The following SCIMP variants were observed in gnomAD, a reference collection of about 807,000 sequenced individuals.
SCIMP encodes the protein SLP adaptor and CSK interacting membrane protein.
A neutral mutation model predicts 22.0 loss-of-function variants in SCIMP; 18 were observed. That is an observed-to-expected ratio of 0.82 (90% confidence interval 0.56 to 1.21). The LOEUF (loss-of-function observed/expected upper bound fraction) is 1.21. Ranked by LOEUF, SCIMP falls within the 50% of genes most tolerant of loss-of-function variation. The probability of loss-of-function intolerance (pLI) is 0.00; values close to 1 mark genes in which losing one functional copy is unlikely to be tolerated. For synonymous variants in SCIMP, 53 were observed against 62.2 expected (o/e 0.85, Z 0.70); for missense variants, 155 against 171.2 (o/e 0.91, Z 0.53).
intron 1 of SCIMP, among the ~76,000 whole-genome samples, chr17:5,226,953 G>C (rs1450754126): frequency 6.6e-6 from 1 of 152,092 alleles, no homozygotes; most frequent in Non-Finnish European, 1.5e-5. Flanking sequence ...CTTCCAGAGA[G>C]AGGAAGCCCT....
intron 3 of SCIMP, among the ~76,000 whole-genome samples, chr17:5,215,857 C>G (rs2144312224): frequency 6.6e-6 from 1 of 152,286 alleles, no homozygotes; most frequent in South Asian, 2.1e-4. Context: ...TGCCATCACA[C>G]AACTCAAATG....
At chr17:5,218,593 G>T (rs772720700) in intron 3 of SCIMP, among the ~76,000 whole-genome samples, 1 of 152,252 alleles carries the variant, frequency 6.6e-6, no homozygotes, top group Middle Eastern at 3.4e-3. Flanking sequence ...GCCTGCATCG[G>T]CCTCCCAAAG....
In SCIMP at chr17:5,214,746, A is replaced by G. The variant is rs561998705; in HGVS notation, c.283+179T>C. On this transcript the variant is annotated intron_variant, in intron 4 of 4. Coordinates refer to ENST00000574081, the MANE Select transcript of SCIMP (RefSeq NM_207103.3). ...TCCCAGCTACTCCGGAGGCTGAGGT[A>G]GGAGAATGGCATGAACCCGGGAGGC... 1.7e-3 allele frequency: 867 copies of G among 499,642 alleles called. 2 individuals are homozygous for G. The highest frequency in any genetic ancestry group is 2.2e-3 in the Non-Finnish European group (623 of 287,710). 31.0% of individuals were successfully genotyped at this position (499,642 alleles called of 1,614,324 possible).
At chr17:5,226,120 A>G (rs2074646827) in intron 1 of SCIMP, among the ~76,000 whole-genome samples, 1 of 152,194 alleles carries the variant, frequency 6.6e-6, no homozygotes, top group Non-Finnish European at 1.5e-5. Flanking sequence ...ATAGAAATAA[A>G]TACCACGACC....
rs2074556277 is a variant in SCIMP at position 5,215,057 on chromosome 17, C to T, written c.210-59G>A. The T allele has an allele frequency of 1.7e-5, 18 of 1,044,556 alleles. No homozygotes were observed. In the Middle Eastern group the frequency reaches 6.1e-4, roughly 35 times the overall value. 64.7% of individuals were successfully genotyped at this position (1,044,556 alleles called of 1,614,324 possible). On this transcript the variant is annotated intron_variant, in intron 3 of 4. Transcript: ENST00000574081. ...GGTTTGGGCCATGCCTGCTCCCAGC[C>T]GATTTAAGAGAAAACATCAAGGAAA...
chr17:5,210,334 G>A lies in SCIMP; in HGVS notation c.*467C>T, dbSNP rs138244390. 5.8e-3 allele frequency: 906 copies of A among 155,562 alleles called. 5 individuals are homozygous for A. The highest frequency in any genetic ancestry group is 8.6e-3 in the Non-Finnish European group (602 of 69,982). 9.6% of individuals were successfully genotyped at this position (155,562 alleles called of 1,614,324 possible). A position where few individuals can be genotyped will look rare whatever the true frequency, so the allele number is the denominator to read the frequency against. ...ACTCACCCACAGCCTCACAGTGCAGGAGGTGGGTGGGGTGAGAGGGTAAAG... is the reference window on the plus strand; with the variant it reads ...ACTCACCCACAGCCTCACAGTGCAGAAGGTGGGTGGGGTGAGAGGGTAAAG... On this transcript the variant is annotated 3_prime_UTR_variant, in exon 5 of 5. Coordinates refer to ENST00000574081, the MANE Select transcript of SCIMP (RefSeq NM_207103.3).
Position 5,234,836 on chromosome 17 carries a change from G to C in SCIMP, c.-81C>G. Reference sequence around the variant, plus strand: ...GGTGAGAGGCATTCCTCACTCACAGGCCTTCACCCACTGCTAGAGACAGTG... The same window carrying C: ...GGTGAGAGGCATTCCTCACTCACAGCCCTTCACCCACTGCTAGAGACAGTG... On this transcript the variant is annotated 5_prime_UTR_variant, in exon 1 of 5. Transcript: ENST00000574081. 6.4e-7 allele frequency: 1 copy of C among 1,563,204 alleles called. No homozygotes were observed. The highest frequency in any genetic ancestry group is 8.7e-7 in the Non-Finnish European group (1 of 1,153,702).
At chr17:5,232,348 A>ATATAAGCAGTGCAGTGTAAACAGTGCAG in intron 1 of SCIMP, among the ~76,000 whole-genome samples, 1 of 34,466 alleles carries the variant, frequency 2.9e-5, no homozygotes. Flanking sequence ...AAGGGGTGGA[A>ATATAAGCAGTGCAGTGTAAACAGTGCAG]TATAAACAGT....
intron 1 of SCIMP, among the ~76,000 whole-genome samples, chr17:5,232,208 T>C (rs1356296759): frequency 1.3e-5 from 2 of 152,256 alleles, no homozygotes; most frequent in Non-Finnish European, 2.9e-5. Context: ...TGTTATGTTC[T>C]GTGTGCAGTT....
intron 3 of SCIMP, among the ~76,000 whole-genome samples, chr17:5,216,016 C>A (rs568634888): frequency 6.6e-6 from 1 of 151,882 alleles, no homozygotes; most frequent in Non-Finnish European, 1.5e-5. Flanking sequence ...CCCTGGGCAA[C>A]ACAGGGAGAC....
intron 1 of SCIMP, among the ~76,000 whole-genome samples, chr17:5,229,834 C>T (rs1298485422): frequency 6.9e-6 from 1 of 145,752 alleles, no homozygotes; most frequent in African/African-American, 2.5e-5. Context: ...CCCTCCCCTT[C>T]CCCCATCTCC....
chr17:5,217,410 GTT>G (rs1357714559), intron 3 of SCIMP, among the ~76,000 whole-genome samples: 12 of 138,804 alleles, frequency 8.6e-5, no homozygotes, highest in Non-Finnish European at 1.6e-4. Context: ...GTGTGTGTGT[GTT>G]TGTTTTATTA....
intron 4 of SCIMP, chr17:5,214,667 C>T (rs1366924873): frequency 2.4e-6 from 1 of 413,866 alleles, no homozygotes; most frequent in Non-Finnish European, 4.3e-6. Flanking sequence ...GGTGAAACTC[C>T]TTCTCTACTA....
chr17:5,216,071 C>A (rs73333465), intron 3 of SCIMP, among the ~76,000 whole-genome samples: 2,179 of 152,104 alleles, frequency 0.014, 49 homozygotes, highest in African/African-American at 0.049. Context: ...GTTGTGGTGG[C>A]ATACACCTGT....
intron 1 of SCIMP, among the ~76,000 whole-genome samples, chr17:5,233,294 C>T (rs1567845538): frequency 6.6e-6 from 1 of 152,110 alleles, no homozygotes; most frequent in Non-Finnish European, 1.5e-5. Context: ...TTTCGCTGGC[C>T]CCTAGCCCCC....
chr17:5,219,488 C>T (rs2144320305), intron 3 of SCIMP, among the ~76,000 whole-genome samples: 1 of 150,480 alleles, frequency 6.6e-6, no homozygotes, highest in Non-Finnish European at 1.5e-5. Flanking sequence ...ATTAGCTGGG[C>T]ATAGTGGCAG....
intron 3 of SCIMP, 97 bp from the exon 4 acceptor site, chr17:5,215,095 A>G (rs2074556588): frequency 1.3e-6 from 1 of 780,434 alleles, no homozygotes; most frequent in East Asian, 2.5e-5. Context: ...GAATGGGTTG[A>G]ACATTCAAAT....
chr17:5,215,075 C>A (rs1269593687), intron 3 of SCIMP, 77 bp from the exon 4 acceptor site: 1 of 890,034 alleles, frequency 1.1e-6, no homozygotes, highest in Non-Finnish European at 1.9e-6. Flanking sequence ...GAGAAAACAT[C>A]AAGGAAAGTG....
chr17:5,215,846 T>G (rs920922442), intron 3 of SCIMP, among the ~76,000 whole-genome samples: 10 of 152,110 alleles, frequency 6.6e-5, no homozygotes, highest in Non-Finnish European at 1.3e-4. Context: ...CACATAAAAT[T>G]TGCCATCACA....
Sources: gnomAD v4.1 joint callset for allele counts (sites outside exome capture counted in the v4.1 genomes callset) on GRCh38, gnomAD v4.1.1 for gene constraint, MANE v1.5 for transcripts, NCBI Gene and HGNC (gene_info 2026-07-23, HGNC 2026-07-21) for gene names.